The following KIAA1549 variants were observed in gnomAD, a reference collection of about 807,000 sequenced individuals.
The protein encoded by KIAA1549 is UPF0606 protein KIAA1549.
Under a neutral mutation model 156.4 loss-of-function variants are expected in KIAA1549, and 70 were observed. That is an observed-to-expected ratio of 0.45 (90% CI 0.37 to 0.55). The LOEUF (loss-of-function observed/expected upper bound fraction) is 0.55. Ranked by LOEUF, KIAA1549 falls within the 20% of genes least tolerant of loss-of-function variation. The pLI is 0.00. For missense variants in KIAA1549, 2,428 were observed against 2,540.9 expected (o/e 0.96, Z 0.96); for synonymous variants, 1,103 against 1,066.4 (o/e 1.03, Z -0.67).
chr7:138,921,993 A>T (rs1200981022), intron 1 of KIAA1549, among the ~76,000 whole-genome samples: 1 of 152,256 alleles, frequency 6.6e-6, no homozygotes, highest in African/African-American at 2.4e-5. Context: ...AAAGATTGAC[A>T]GCAAATCACC....
chr7:138,908,864 T>A, intron 5 of KIAA1549, 127 bp downstream of exon 5: 2 of 1,123,504 alleles, frequency 1.8e-6, no homozygotes, highest in African/African-American at 3.1e-5. Flanking sequence ...AATAGATCAA[T>A]CCCGACTCAC....
chr7:138,975,415 C>T (rs1814345260), intron 1 of KIAA1549, among the ~76,000 whole-genome samples: 1 of 147,866 alleles, frequency 6.8e-6, no homozygotes, highest in African/African-American at 2.7e-5. Context: ...GACAAAACAA[C>T]CTAACAGAAA....
intron 18 of KIAA1549, 66 bp downstream of exon 18, chr7:138,844,251 A>T (rs1810004191): frequency 6.3e-7 from 1 of 1,584,628 alleles, no homozygotes; most frequent in Non-Finnish European, 8.6e-7. Flanking sequence ...TGAGACACCT[A>T]AAATAAAGTT....
At chr7:138,920,697 T>C (rs557994682) in intron 1 of KIAA1549, among the ~76,000 whole-genome samples, 1 of 152,362 alleles carries the variant, frequency 6.6e-6, no homozygotes, top group African/African-American at 2.4e-5. Context: ...GCCCAGGGAC[T>C]GTCCTCTGCA....
rs779927503 is a variant in KIAA1549, at chr7:138,917,925, G to C, written c.1701C>G (p.Asp567Glu). 5.2e-5 allele frequency: 83 copies of C among 1,598,020 alleles called. No homozygotes were observed. Among genetic ancestry groups the C allele is most frequent in the Non-Finnish European group, 7.0e-5 (82 of 1,172,238 alleles). ...FFSVITSILL[D>E]SSFSVIANKN... Reference sequence around the variant, plus strand: ...TGTTTGCTATGACAGAGAAAGATGAGTCAAGGAGAATGCTGGTGATGACCG... The same window carrying C: ...TGTTTGCTATGACAGAGAAAGATGACTCAAGGAGAATGCTGGTGATGACCG... The change falls in exon 2 of 20, where the codon GAC becomes GAG. Residue 567 changes from aspartate to glutamate, a missense_variant. This residue lies in a region of KIAA1549 where 893 missense variants were observed against 847.9 expected (regional missense o/e 1.05). Transcript: ENST00000422774.
Position 138,869,529 on chromosome 7 carries a change from C to T in KIAA1549, c.4775+9G>A. The T allele has an allele frequency of 6.4e-7, 1 of 1,553,850 alleles. No homozygotes were observed. Among genetic ancestry groups the T allele is most frequent in the Non-Finnish European group, 8.7e-7 (1 of 1,149,270 alleles). ...CCGCCCCACCGCCTAGCGCAGAGCC[C>T]CAGCCCACCTCTTCCTGGGCTCTAT... On this transcript the variant is annotated intron_variant, in intron 14 of 19. Transcript: ENST00000422774.
At chr7:138,959,141 C>A (rs1417685013) in intron 1 of KIAA1549, among the ~76,000 whole-genome samples, 5 of 152,134 alleles carry the variant, frequency 3.3e-5, no homozygotes, top group Non-Finnish European at 7.4e-5. Context: ...TTCAAGTAAT[C>A]CACCTGCCTC....
chr7:138,979,725 T>G (rs1300831469), intron 1 of KIAA1549, among the ~76,000 whole-genome samples: 1 of 152,158 alleles, frequency 6.6e-6, no homozygotes, highest in Non-Finnish European at 1.5e-5. Context: ...GGTCCTAGGT[T>G]AGAGTAAGGT....
Position 138,903,686 on chromosome 7 carries a change from C to T in KIAA1549, c.3571G>A (p.Glu1191Lys), listed in dbSNP as rs182282554. The T allele has an allele frequency of 2.8e-5, 45 of 1,608,970 alleles. No individual in the cohort carries two copies. Among genetic ancestry groups the T allele is most frequent in the African/African-American group, 1.3e-4 (10 of 74,926 alleles). Residue 1191 changes from glutamate (E) to lysine (K), a missense_variant, in exon 8 of 20, where the codon GAG (glutamate) becomes AAG (lysine). By Grantham distance (56) the Glu-to-Lys change is moderately conservative. Transcript: ENST00000422774. Reference sequence around the variant, plus strand: ...AGCTGGGCCAGCTTGCGTTCCATCTCGGCTTGAAACACTTCATTCTGGAGT... The same window carrying T: ...AGCTGGGCCAGCTTGCGTTCCATCTTGGCTTGAAACACTTCATTCTGGAGT... ...KQLQNEVFQA[E>K]MERKLAQLLS...
intron 16 of KIAA1549, among the ~76,000 whole-genome samples, chr7:138,856,199 T>A (rs947140357): frequency 3.4e-4 from 47 of 138,076 alleles, no homozygotes; most frequent in East Asian, 1.6e-3. Flanking sequence ...GCCCAGCGAA[T>A]TTTTTTTTTT....
intron 10 of KIAA1549, among the ~76,000 whole-genome samples, chr7:138,888,329 G>A (rs997160607): frequency 5.3e-5 from 8 of 152,278 alleles, no homozygotes; most frequent in South Asian, 4.1e-4. Context: ...ATACTTTCCC[G>A]CACAATTACT....
At chr7:138,887,570 G>C (rs1435490623) in intron 10 of KIAA1549, among the ~76,000 whole-genome samples, 1 of 152,086 alleles carries the variant, frequency 6.6e-6, no homozygotes, top group Non-Finnish European at 1.5e-5. Flanking sequence ...CAGCATGCTG[G>C]CTCCCCCTCC....
At chr7:138,976,646 G>T (rs1814389496) in intron 1 of KIAA1549, among the ~76,000 whole-genome samples, 1 of 152,072 alleles carries the variant, frequency 6.6e-6, no homozygotes, top group Admixed American at 6.6e-5. Flanking sequence ...AAAAACCATG[G>T]TATATACAGA....
At chr7:138,866,078 A>G (rs1019414103) in intron 15 of KIAA1549, among the ~76,000 whole-genome samples, 2 of 152,186 alleles carry the variant, frequency 1.3e-5, no homozygotes, top group African/African-American at 4.8e-5. Context: ...GCACAAGAGC[A>G]CCACCTACTG....
Position 138,883,089 on chromosome 7 carries a change from T to TAAAAAAAAAAAAAAAAAAAAAA in KIAA1549, c.4033-1527_4033-1506dup, listed in dbSNP as rs1201752539. ...CAACATGGTGAAACCCCATCTCCCC[T>TAAAAAAAAAAAAAAAAAAAAAA]AAAAAAAAAAAAAAAAAAAAAAAAA... On this transcript the variant is annotated intron_variant, in intron 10 of 19. Transcript: ENST00000422774. Among the ~76,000 whole-genome samples, 9 of 47,064 alleles carry TAAAAAAAAAAAAAAAAAAAAAA rather than the reference T, an allele frequency of 1.9e-4. 4 individuals are homozygous for TAAAAAAAAAAAAAAAAAAAAAA. Among genetic ancestry groups the TAAAAAAAAAAAAAAAAAAAAAA allele is most frequent in the African/African-American group, 7.8e-4 (9 of 11,540 alleles). 30.9% of individuals were successfully genotyped at this position (47,064 alleles called of 152,430 possible). A position where few individuals can be genotyped will look rare whatever the true frequency, so the allele number is the denominator to read the frequency against.
intron 10 of KIAA1549, among the ~76,000 whole-genome samples, chr7:138,892,820 C>T (rs1379534598): frequency 1.3e-5 from 2 of 152,126 alleles, no homozygotes; most frequent in African/African-American, 2.4e-5. Flanking sequence ...CCCAAGACAA[C>T]CAAAATAAAG....
intron 7 of KIAA1549, 67 bp from the exon 8 acceptor site, chr7:138,903,803 G>A (rs1811914207): frequency 2.8e-5 from 2 of 70,456 alleles, no homozygotes; most frequent in East Asian, 2.7e-4. Flanking sequence ...GTGTGTGTGT[G>A]TGTGTGTGTG....
chr7:138,880,719 C>T (rs553060955), intron 11 of KIAA1549, among the ~76,000 whole-genome samples: 21 of 152,328 alleles, frequency 1.4e-4, no homozygotes, highest in African/African-American at 4.1e-4. Context: ...CACAGAGCTA[C>T]AGCCCTTCTC....
intron 10 of KIAA1549, among the ~76,000 whole-genome samples, chr7:138,887,229 A>C (rs1811418154): frequency 6.6e-6 from 1 of 152,088 alleles, no homozygotes; most frequent in African/African-American, 2.4e-5. Context: ...TTAAATATTT[A>C]TTTAAAGTAA....
Sources: allele counts gnomAD v4.1 joint callset (sites outside exome capture counted in the v4.1 genomes callset), GRCh38; gene constraint gnomAD v4.1.1; regional missense constraint gnomAD v4.1.1; transcripts MANE v1.5; gene names NCBI Gene and HGNC (gene_info 2026-07-23, HGNC 2026-07-21).